The following TVP23C variants were observed in gnomAD, a reference collection of about 807,000 sequenced individuals.
TVP23C encodes the protein trans-golgi network vesicle protein 23 homolog C, also known as Golgi apparatus membrane protein TVP23 homolog C.
TVP23C carries 19 observed loss-of-function variants against 28.7 expected under a neutral mutation model. That is an observed-to-expected ratio of 0.66 (90% CI 0.46 to 0.97). TVP23C has a LOEUF of 0.97. Among genes scored for constraint, TVP23C ranks in the 50% least tolerant of loss-of-function variants. The probability of loss-of-function intolerance (pLI) is 0.00; values close to 1 mark genes in which losing one functional copy is unlikely to be tolerated. For synonymous variants in TVP23C, 68 were observed against 81.7 expected, an observed-to-expected ratio of 0.83 and a Z score of 0.90; for missense variants, 186 against 241.3, an observed-to-expected ratio of 0.77 and a Z score of 1.52.
At chr17:15,509,547 T>G (rs1000652500) in intron 5 of TVP23C, among the ~76,000 whole-genome samples, 2 of 152,210 alleles carry the variant, frequency 1.3e-5, no homozygotes, top group South Asian at 4.1e-4. Flanking sequence ...TGCCCTTCCA[T>G]CCTTCCTCTG....
At chr17:15,545,362 C>T (rs1458827907) in intron 5 of TVP23C, among the ~76,000 whole-genome samples, 1 of 152,202 alleles carries the variant, frequency 6.6e-6, no homozygotes, top group East Asian at 1.9e-4. Context: ...GCTCACAACC[C>T]CCATCATTCC....
chr17:15,549,705 C>A (rs998121470), intron 3 of TVP23C, among the ~76,000 whole-genome samples: 1 of 151,840 alleles, frequency 6.6e-6, no homozygotes, highest in Non-Finnish European at 1.5e-5. Flanking sequence ...ATTTGAGATG[C>A]CTTCAAGACA....
chr17:15,555,543 G>C lies in TVP23C; in HGVS notation c.13-179C>G, dbSNP rs150540281. Among the ~76,000 whole-genome samples the C allele has an allele frequency of 2.2e-3, 338 of 152,270 alleles. 1 individual carries two copies. Among genetic ancestry groups the C allele is most frequent in the African/African-American group, 8.0e-3 (331 of 41,544 alleles). ...CTCCACCCGCCTCCTCAAATCATCT[G>C]GCAAAAACCCCAGAGAATAATCGAA... On this transcript the variant is annotated intron_variant, in intron 1 of 5. Transcript: ENST00000518321.
chr17:15,540,530 C>G lies in TVP23C; in HGVS notation c.494G>C (p.Gly165Ala). 6.2e-7 allele frequency: 1 copy of G among 1,613,568 alleles called. No individual in the cohort carries two copies. Among genetic ancestry groups the G allele is most frequent in the Non-Finnish European group, 8.5e-7 (1 of 1,179,748 alleles). ...CCTGATGTAACCATACAGGTTGGCA[C>G]CTTGTAGCACCACACCCATAATAAC... ...AVVIMGVVLQ[G>A]ANLYGYIRCK... The change falls in exon 6 of 6, where the codon GGT becomes GCT. Residue 165 changes from glycine (G) to alanine (A), a missense_variant. By Grantham distance (60) the Gly-to-Ala change is moderately conservative. Coordinates refer to ENST00000518321, the MANE Select transcript of TVP23C (RefSeq NM_001135036.2).
intron 5 of TVP23C, among the ~76,000 whole-genome samples, chr17:15,504,352 G>GA (rs1328036816): frequency 6.6e-6 from 1 of 152,194 alleles, no homozygotes; most frequent in East Asian, 1.9e-4. Flanking sequence ...GCAGTGGCCA[G>GA]AAAAGAGAGG....
At chr17:15,534,981 C>T (rs528798084), downstream of TVP23C, among the ~76,000 whole-genome samples, 4 of 149,972 alleles carry the variant, frequency 2.7e-5, no homozygotes, top group South Asian at 8.5e-4. Context: ...AATAAAAAAA[C>T]AAAAATGTGA....
Position 15,540,139 on chromosome 17 carries a change from C to A in TVP23C, c.*273G>T. On this transcript the variant is annotated 3_prime_UTR_variant, in exon 6 of 6. Coordinates refer to ENST00000518321, the MANE Select transcript of TVP23C (RefSeq NM_001135036.2). ...ACAACATACATTCTGCAAGGGCATT[C>A]ACTTAAAGCTCCCATAATTGATGAA... The A allele has an allele frequency of 8.0e-7, 1 of 1,250,186 alleles. No individual in the cohort carries two copies. Among genetic ancestry groups the A allele is most frequent in the Non-Finnish European group, 1.0e-6 (1 of 997,560 alleles). 77.4% of individuals were successfully genotyped at this position (1,250,186 alleles called of 1,614,324 possible).
intron 5 of TVP23C, among the ~76,000 whole-genome samples, chr17:15,529,257 G>C (rs1048798120): frequency 3.3e-5 from 5 of 152,124 alleles, no homozygotes; most frequent in Admixed American, 3.3e-4. Context: ...TTTGAGACCA[G>C]CCTGGCCAAC....
At chr17:15,552,509 C>T (rs1257825202) in intron 3 of TVP23C, among the ~76,000 whole-genome samples, 1 of 152,036 alleles carries the variant, frequency 6.6e-6, no homozygotes, top group Non-Finnish European at 1.5e-5. Flanking sequence ...TGGAGAAACC[C>T]CGTCTGTACT....
chr17:15,509,055 G>A (rs1251329577), intron 5 of TVP23C, among the ~76,000 whole-genome samples: 2 of 152,234 alleles, frequency 1.3e-5, no homozygotes, highest in Non-Finnish European at 2.9e-5. Flanking sequence ...AAATAAATAT[G>A]CAGTTACTGA....
chr17:15,548,378 T>C (rs565933264), intron 3 of TVP23C, among the ~76,000 whole-genome samples: 167 of 152,094 alleles, frequency 1.1e-3, no homozygotes, highest in Middle Eastern at 6.8e-3. Flanking sequence ...GTCGGTCAGG[T>C]TGGTCTCGAA....
intron 5 of TVP23C, among the ~76,000 whole-genome samples, chr17:15,505,992 C>T (rs916558935): frequency 2.0e-5 from 3 of 152,238 alleles, no homozygotes; most frequent in Admixed American, 1.3e-4. Flanking sequence ...GGCTCCTGTG[C>T]GGCCCAAGCC....
In TVP23C at chr17:15,540,172, T is replaced by G; in HGVS notation, c.*240A>C. 7.9e-7 allele frequency: 1 copy of G among 1,269,486 alleles called. No individual in the cohort carries two copies. The highest frequency in any genetic ancestry group is 9.9e-7 in the Non-Finnish European group (1 of 1,008,410). The allele number at this position is 1,269,486 out of a possible 1,614,324, so 78.6% of individuals were successfully genotyped here. Reference sequence around the variant, plus strand: ...GCTCCCATAATTGATGAAAAACAACTGAACTTAAAAGTAATTTTTAAAAAA... The same window carrying G: ...GCTCCCATAATTGATGAAAAACAACGGAACTTAAAAGTAATTTTTAAAAAA... On this transcript the variant is annotated 3_prime_UTR_variant, in exon 6 of 6. Coordinates refer to ENST00000518321, the MANE Select transcript of TVP23C (RefSeq NM_001135036.2).
intron 5 of TVP23C, among the ~76,000 whole-genome samples, chr17:15,503,931 T>G (rs1597498181): frequency 1.4e-5 from 2 of 148,022 alleles, no homozygotes; most frequent in South Asian, 2.2e-4. Flanking sequence ...CTGGGAAGGG[T>G]GGGAGGAAGT....
At chr17:15,563,071 C>A in intron 1 of TVP23C, 1 of 331,132 alleles carries the variant, frequency 3.0e-6, no homozygotes, top group Non-Finnish European at 5.5e-6. Flanking sequence ...GTCGCCGATT[C>A]CTACAAGATA....
At chr17:15,542,690 T>C (rs1258254660) in intron 5 of TVP23C, among the ~76,000 whole-genome samples, 1 of 152,096 alleles carries the variant, frequency 6.6e-6, no homozygotes, top group Non-Finnish European at 1.5e-5. Flanking sequence ...TTAGCCAGGA[T>C]GGTCTCGATC....
rs201664171 is a variant in TVP23C, at chr17:15,507,994, T to C, written c.463-4762A>G. 3.3e-4 allele frequency among the ~76,000 whole-genome samples: 51 copies of C among 152,346 alleles called. No homozygotes were observed. The East Asian group carries it at 9.8e-3, about 29-fold the overall frequency. ...TGAGTAGGTGAAAGTGTTAGCATAG[T>C]GACTGCCATATTGTAATGTTTATTA... On this transcript the variant is annotated intron_variant, in intron 5 of 5. Transcript: ENST00000225576.
chr17:15,507,974 A>G (rs1981839565), intron 5 of TVP23C, among the ~76,000 whole-genome samples: 1 of 152,254 alleles, frequency 6.6e-6, no homozygotes, highest in Non-Finnish European at 1.5e-5. Flanking sequence ...ATGAATGAGT[A>G]GGTGAAAGTG....
At chr17:15,505,974 G>A (rs1437188071) in intron 5 of TVP23C, among the ~76,000 whole-genome samples, 1 of 152,234 alleles carries the variant, frequency 6.6e-6, no homozygotes, top group Non-Finnish European at 1.5e-5. Flanking sequence ...CCTCCCACCC[G>A]CTCCATGGGC....
Sources: gnomAD v4.1 joint callset for allele counts (sites outside exome capture counted in the v4.1 genomes callset) on GRCh38, gnomAD v4.1.1 for gene constraint, MANE v1.5 for transcripts, NCBI Gene and HGNC (gene_info 2026-07-23, HGNC 2026-07-21) for gene names.